The following RDM1 variants were observed in gnomAD, a reference collection of about 807,000 sequenced individuals.
RDM1 encodes the protein RAD52 motif containing 1.
RDM1 carries 28 observed loss-of-function variants against 27.7 expected under a neutral mutation model. The ratio of observed to expected loss-of-function variants is 1.01; its 90% CI spans 0.75 to 1.39. RDM1 has a LOEUF of 1.39. Among genes scored for constraint, RDM1 ranks in the 40% most tolerant of loss-of-function variants. The pLI, the probability that RDM1 is intolerant of heterozygous loss-of-function variation, is 0.00. For missense variants in RDM1, 277 were observed against 337.3 expected (o/e 0.82, Z 1.40); for synonymous variants, 124 against 127.5 (o/e 0.97, Z 0.19).
At chr17:35,926,207 A>ATAT (rs1214736424) in intron 2 of RDM1, among the ~76,000 whole-genome samples, 45 of 151,928 alleles carry the variant, frequency 3.0e-4, no homozygotes, top group African/African-American at 9.4e-4. Flanking sequence ...ATCTGCATTT[A>ATAT]CGTGCTTCTT....
In RDM1 at chr17:35,918,239, T is replaced by TC. The variant is rs1458376543; in HGVS notation, c.*102dup. ...GATTTGGGCGGCCGACCCAGGTGGT[T>TC]CCAGGACTCCAGCAGCCTATAGTGG... On this transcript the variant is annotated 3_prime_UTR_variant, in exon 7 of 7. Transcript: ENST00000620284. 4.1e-6 allele frequency: 4 copies of TC among 972,908 alleles called. No individual in the cohort carries two copies. Among genetic ancestry groups the TC allele is most frequent in the Non-Finnish European group, 6.4e-6 (4 of 625,510 alleles). 60.3% of individuals were successfully genotyped at this position (972,908 alleles called of 1,614,324 possible).
At chr17:35,927,447 C>T (rs1280708545) in intron 2 of RDM1, among the ~76,000 whole-genome samples, 1 of 151,874 alleles carries the variant, frequency 6.6e-6, no homozygotes, top group Non-Finnish European at 1.5e-5. Flanking sequence ...CTCAAAAAAA[C>T]AAAACGAAAA....
chr17:35,918,182 A>G lies in RDM1; in HGVS notation c.*160T>C, dbSNP rs1473435343. The G allele has an allele frequency of 3.2e-6, 2 of 629,540 alleles. No individual in the cohort carries two copies. Among genetic ancestry groups the G allele is most frequent in the Non-Finnish European group, 5.7e-6 (2 of 351,860 alleles). The allele number at this position is 629,540 out of a possible 1,614,324, so 39.0% of individuals were successfully genotyped here. A position where few individuals can be genotyped will look rare whatever the true frequency, so the allele number is the denominator to read the frequency against. On this transcript the variant is annotated 3_prime_UTR_variant, in exon 7 of 7. Coordinates refer to ENST00000620284, the MANE Select transcript of RDM1 (RefSeq NM_145654.4). The stretch of plus-strand genomic sequence containing the variant: ...CCCAAGCCTCCCTTCCCACTCCACC[A>G]GAACACCCCTTCCCTCCCCTTCGCC...
chr17:35,922,789 G>T, intron 4 of RDM1, 114 bp from the exon 5 acceptor site: 1 of 812,728 alleles, frequency 1.2e-6, no homozygotes, highest in South Asian at 1.9e-5. Context: ...CATGACTAAG[G>T]GCAGATGGCA....
At chr17:35,920,404 G>T in intron 5 of RDM1, 132 bp from the exon 6 acceptor site, 12 of 386,798 alleles carry the variant, frequency 3.1e-5, no homozygotes, top group South Asian at 2.1e-4. Context: ...TTTCCTGGAA[G>T]TTTCCTTATC....
At chr17:35,922,808 T>C (rs1206428419) in intron 4 of RDM1, 133 bp from the exon 5 acceptor site, 2 of 661,388 alleles carry the variant, frequency 3.0e-6, no homozygotes, top group African/African-American at 1.9e-5. Context: ...CACAAGCGTA[T>C]GGTTGAATGG....
At position 35,930,070 on chromosome 17, in the gene RDM1, A is replaced by T; in HGVS notation, c.276+6T>A. ...GCGGAGCTAGGAATTCCATATTTGGACCCACCTTGACTGGAGATTTCTGAA... is the reference window on the plus strand; with the variant it reads ...GCGGAGCTAGGAATTCCATATTTGGTCCCACCTTGACTGGAGATTTCTGAA... On this transcript the variant is annotated splice_donor_region_variant and intron_variant, in intron 2 of 6. Coordinates refer to ENST00000620284, the MANE Select transcript of RDM1 (RefSeq NM_145654.4). 1 of 1,609,874 alleles carries T rather than the reference A, an allele frequency of 6.2e-7. No individual in the cohort carries two copies. Among genetic ancestry groups the T allele is most frequent in the South Asian group, 1.1e-5 (1 of 90,774 alleles).
intron 2 of RDM1, among the ~76,000 whole-genome samples, chr17:35,928,488 C>T (rs566057281): frequency 1.3e-5 from 2 of 152,234 alleles, no homozygotes; most frequent in South Asian, 2.1e-4. Flanking sequence ...ATAGGCTGGG[C>T]GCGGTGGCTC....
intron 4 of RDM1, 88 bp from the exon 5 acceptor site, chr17:35,922,763 CT>C (rs2088991774): frequency 1.8e-6 from 2 of 1,111,444 alleles, no homozygotes; most frequent in South Asian, 1.6e-5. Flanking sequence ...ATCCACGATT[CT>C]TAGCTCAAAA....
chr17:35,924,137 C>A (rs1327922791), intron 4 of RDM1, among the ~76,000 whole-genome samples: 1 of 151,996 alleles, frequency 6.6e-6, no homozygotes, highest in Non-Finnish European at 1.5e-5. Context: ...AGGAGGATCC[C>A]TTGAGCCCAG....
intron 5 of RDM1, among the ~76,000 whole-genome samples, chr17:35,921,490 C>T (rs564890909): frequency 5.3e-5 from 8 of 152,270 alleles, no homozygotes; most frequent in Admixed American, 2.0e-4. Flanking sequence ...CTATAAGATT[C>T]GTGCCACTGT....
rs2088818044 is a variant in RDM1 at position 35,918,395 on chromosome 17, G to A, written c.802C>T (p.Leu268Phe). 6.2e-7 allele frequency: 1 copy of A among 1,614,110 alleles called. No individual in the cohort carries two copies. The highest frequency in any genetic ancestry group is 8.5e-7 in the Non-Finnish European group (1 of 1,180,018). Residue 268 changes from leucine (L) to phenylalanine (F), a missense_variant, in exon 7 of 7, where the codon CTC (leucine) becomes TTC (phenylalanine). Coordinates refer to ENST00000620284, the MANE Select transcript of RDM1 (RefSeq NM_145654.4). ...KQYGQEEEGY[L>F]SDFSLEEEEF... ...TCCTCCTCCAAGCTGAAATCCGAGAGATACCCTTCCTCCTCTTGGCCATAC... is the reference window on the plus strand; with the variant it reads ...TCCTCCTCCAAGCTGAAATCCGAGAAATACCCTTCCTCCTCTTGGCCATAC...
chr17:35,920,059 G>A, intron 6 of RDM1, 128 bp downstream of exon 6: 2 of 542,446 alleles, frequency 3.7e-6, no homozygotes, highest in South Asian at 4.3e-5. Context: ...GAAATACTCT[G>A]CACTCAAAAG....
At chr17:35,930,425 G>A (rs2089288531) in intron 1 of RDM1, 170 bp from the exon 2 acceptor site, 1 of 1,004,300 alleles carries the variant, frequency 1.0e-6, no homozygotes, top group African/African-American at 1.6e-5. Context: ...GCACTGGAAG[G>A]TAAAACGTTC....
chr17:35,930,064 A>AT lies in RDM1; in HGVS notation c.276+11dup. ...ATTTCAGCGGAGCTAGGAATTCCAT[A>AT]TTTGGACCCACCTTGACTGGAGATT... On this transcript the variant is annotated intron_variant, in intron 2 of 6. Coordinates refer to ENST00000620284, the MANE Select transcript of RDM1 (RefSeq NM_145654.4). 10 of 1,608,418 alleles carry AT rather than the reference A, an allele frequency of 6.2e-6. No homozygotes were observed. Among genetic ancestry groups the AT allele is most frequent in the Non-Finnish European group, 8.5e-6 (10 of 1,177,152 alleles).
At chr17:35,926,219 G>A (rs1598680192) in intron 2 of RDM1, among the ~76,000 whole-genome samples, 2 of 151,228 alleles carry the variant, frequency 1.3e-5, no homozygotes, top group South Asian at 4.2e-4. Flanking sequence ...GTGCTTCTTT[G>A]AGAACGCAAA....
Position 35,918,370 on chromosome 17 carries a change from T to A in RDM1, c.827A>T (p.Glu276Val). 2.5e-6 allele frequency: 4 copies of A among 1,613,898 alleles called. No individual in the cohort carries two copies. The highest frequency in any genetic ancestry group is 3.4e-6 in the Non-Finnish European group (4 of 1,179,984). Residue 276 changes from glutamate (E) to valine (V), a missense_variant, in exon 7 of 7, where the codon GAA (glutamate) becomes GTA (valine). By Grantham distance (121) the Glu-to-Val change is moderately radical. Transcript: ENST00000620284. ...GTCAAGTTCTGGCAGCCTGAACTCT[T>A]CCTCCTCCAAGCTGAAATCCGAGAG... The part of the protein sequence containing the change: ...GYLSDFSLEE[E>V]EFRLPELD
In RDM1 at chr17:35,918,253, A is replaced by G; in HGVS notation, c.*89T>C. ...ACCCAGGTGGTTCCAGGACTCCAGC[A>G]GCCTATAGTGGTGGGGCGGCGTGGG... On this transcript the variant is annotated 3_prime_UTR_variant, in exon 7 of 7. Coordinates refer to ENST00000620284, the MANE Select transcript of RDM1 (RefSeq NM_145654.4). The G allele has an allele frequency of 1.8e-6, 2 of 1,115,544 alleles. No individual in the cohort carries two copies. Among genetic ancestry groups the G allele is most frequent in the Non-Finnish European group, 2.7e-6 (2 of 744,024 alleles). 69.1% of individuals were successfully genotyped at this position (1,115,544 alleles called of 1,614,324 possible).
At chr17:35,920,065 A>G (rs778925282) in intron 6 of RDM1, 122 bp downstream of exon 6, 57 of 562,574 alleles carry the variant, frequency 1.0e-4, no homozygotes, top group Non-Finnish European at 1.7e-4. Context: ...CTCTGCACTC[A>G]AAAGTAGTAT....
Sources: allele counts gnomAD v4.1 joint callset (sites outside exome capture counted in the v4.1 genomes callset), GRCh38; gene constraint gnomAD v4.1.1; transcripts MANE v1.5; gene names NCBI Gene and HGNC (gene_info 2026-07-23, HGNC 2026-07-21).